The following PDE9A variants were observed in gnomAD, a reference collection of about 807,000 sequenced individuals.
PDE9A encodes phosphodiesterase 9A, also known as high affinity cGMP-specific 3',5'-cyclic phosphodiesterase 9A.
In PDE9A, 60 loss-of-function variants were observed where a neutral mutation model predicts 87.4. That is an observed-to-expected ratio of 0.69 (90% CI 0.56 to 0.85). The LOEUF is 0.85. PDE9A is among the 40% of genes least tolerant of loss of function. The probability of loss-of-function intolerance (pLI) is 0.00; values close to 1 mark genes in which losing one functional copy is unlikely to be tolerated. For synonymous variants in PDE9A, 272 were observed against 279.4 expected (o/e 0.97, Z 0.27); for missense variants, 665 against 779.0 (o/e 0.85, Z 1.74).
At chr21:42,713,506 T>TATTG (rs2049536099) in intron 4 of PDE9A, among the ~76,000 whole-genome samples, 1 of 152,226 alleles carries the variant, frequency 6.6e-6, no homozygotes, top group Non-Finnish European at 1.5e-5. Context: ...TTAAATGGGA[T>TATTG]ATTGATTTGT....
At chr21:42,666,632 G>A (rs192959390) in intron 1 of PDE9A, among the ~76,000 whole-genome samples, 2 of 152,290 alleles carry the variant, frequency 1.3e-5, no homozygotes, top group Non-Finnish European at 2.9e-5. Context: ...GCCTCTCCTG[G>A]GCTGGCACCT....
chr21:42,706,016 A>G (rs895287186), intron 4 of PDE9A, among the ~76,000 whole-genome samples: 1 of 152,230 alleles, frequency 6.6e-6, no homozygotes, highest in Admixed American at 6.5e-5. Flanking sequence ...GCATCCGCAG[A>G]GTGCGTGCTT....
chr21:42,769,738 A>ATACAAATG, intron 17 of PDE9A, among the ~76,000 whole-genome samples: 1 of 65,010 alleles, frequency 1.5e-5, no homozygotes, highest in Non-Finnish European at 2.8e-5. Context: ...GTACAGAGGC[A>ATACAAATG]CACACATGCA....
intron 1 of PDE9A, among the ~76,000 whole-genome samples, chr21:42,679,106 G>A (rs540082132): frequency 5.9e-5 from 9 of 152,296 alleles, no homozygotes; most frequent in African/African-American, 2.2e-4. Flanking sequence ...AGGGGATCGC[G>A]CTGCACCAGG....
Position 42,722,233 on chromosome 21 carries a change from C to T in PDE9A, c.263-9537C>T, listed in dbSNP as rs1323338684. ...CCTCATGATCCGCCCACCTCAGCCT[C>T]CAGAAGTGCTGAGATTACAGGCGTG... On this transcript the variant is annotated intron_variant, in intron 4 of 19. Transcript: ENST00000291539. The surrounding 1 kb of genome is among the most constrained non-coding windows in gnomAD (Gnocchi z 4.1). Among the ~76,000 whole-genome samples, 2 of 152,184 alleles carry T rather than the reference C, an allele frequency of 1.3e-5. No individual in the cohort carries two copies. Among genetic ancestry groups the T allele is most frequent in the African/African-American group, 4.8e-5 (2 of 41,446 alleles).
At chr21:42,769,568 ACACACAC>A (rs2056789749) in intron 17 of PDE9A, among the ~76,000 whole-genome samples, 1 of 146,586 alleles carries the variant, frequency 6.8e-6, no homozygotes, top group Admixed American at 6.8e-5. Context: ...GCACACACAC[ACACACAC>A]ATGCACACAG....
intron 4 of PDE9A, among the ~76,000 whole-genome samples, chr21:42,716,576 G>A (rs1024826266): frequency 5.3e-5 from 8 of 151,060 alleles, no homozygotes; most frequent in Non-Finnish European, 1.2e-4. Flanking sequence ...TAATCATCCT[G>A]AACTTTTCAC....
intron 4 of PDE9A, among the ~76,000 whole-genome samples, chr21:42,727,489 ATTTT>A (rs58515760): frequency 1.4e-4 from 12 of 88,326 alleles, no homozygotes; most frequent in Admixed American, 7.4e-4. Flanking sequence ...ACGCCTGGCT[ATTTT>A]TTTTTTTTTT....
intron 1 of PDE9A, among the ~76,000 whole-genome samples, chr21:42,667,224 G>C (rs1043424959): frequency 6.6e-6 from 1 of 152,160 alleles, no homozygotes; most frequent in South Asian, 2.1e-4. Flanking sequence ...TGGATGAGGG[G>C]GTCCAACTTC....
intron 3 of PDE9A, chr21:42,697,600 C>A: frequency 1.3e-6 from 1 of 784,494 alleles, no homozygotes. Flanking sequence ...AGTCTGGAGG[C>A]TGAAATCCAA....
chr21:42,761,899 T>TGCAGGGGCAGCTGAGCG (rs2055812073), intron 13 of PDE9A, among the ~76,000 whole-genome samples, 184 bp from the exon 14 acceptor site: 1 of 152,126 alleles, frequency 6.6e-6, no homozygotes, highest in Non-Finnish European at 1.5e-5. Flanking sequence ...GACGTGCAGT[T>TGCAGGGGCAGCTGAGCG]GCAGGGGCAG....
intron 5 of PDE9A, 31 bp downstream of exon 5, chr21:42,731,980 A>C (rs761986007): frequency 3.1e-6 from 5 of 1,611,494 alleles, no homozygotes. Context: ...CACAGCCTCC[A>C]CCCCCCAACA....
At chr21:42,699,874 A>C (rs968717084) in intron 4 of PDE9A, among the ~76,000 whole-genome samples, 10 of 152,164 alleles carry the variant, frequency 6.6e-5, no homozygotes, top group African/African-American at 2.2e-4. Flanking sequence ...TGCCTTTTCC[A>C]TTTGATTTTT....
intron 1 of PDE9A, among the ~76,000 whole-genome samples, chr21:42,681,945 G>A (rs1326045700): frequency 6.6e-6 from 1 of 152,364 alleles, no homozygotes. Flanking sequence ...GGGTCCTCCC[G>A]TGGTCTGAAG....
At position 42,732,378 on chromosome 21, in the gene PDE9A, C is replaced by T. The variant is rs373620260; in HGVS notation, c.497+254C>T. ...GCATTAGAATGTGAGCTCGTGAGGTCGAGAATGTTCTCCACCGGCTCTTCT... is the reference window on the plus strand; with the variant it reads ...GCATTAGAATGTGAGCTCGTGAGGTTGAGAATGTTCTCCACCGGCTCTTCT... On this transcript the variant is annotated intron_variant, in intron 6 of 19. Coordinates refer to ENST00000291539, the MANE Select transcript of PDE9A (RefSeq NM_002606.3). 1.2e-4 allele frequency among the ~76,000 whole-genome samples: 19 copies of T among 152,280 alleles called. No individual in the cohort carries two copies. In the South Asian group the frequency reaches 1.9e-3, roughly 15 times the overall value.
Position 42,726,624 on chromosome 21 carries a change from A to ATATTTTT in PDE9A, c.263-5145_263-5144insATTTTTT. ...TATATATATATATATATATATATATATTTTTTTTTTTTTTTTTGTAGAGAT... is the reference window on the plus strand; with the variant it reads ...TATATATATATATATATATATATATATATTTTTTTTTTTTTTTTTTTTTTGTAGAGAT... On this transcript the variant is annotated intron_variant, in intron 4 of 19. Transcript: ENST00000291539. 9.1e-4 allele frequency among the ~76,000 whole-genome samples: 18 copies of ATATTTTT among 19,780 alleles called. 2 individuals carry two copies. Among genetic ancestry groups the ATATTTTT allele is most frequent in the African/African-American group, 1.0e-3 (3 of 2,942 alleles). 13.0% of individuals were successfully genotyped at this position (19,780 alleles called of 152,430 possible).
chr21:42,669,657 G>A (rs1223249617), intron 1 of PDE9A, among the ~76,000 whole-genome samples: 2 of 152,178 alleles, frequency 1.3e-5, no homozygotes, highest in Non-Finnish European at 2.9e-5. Flanking sequence ...CCCAGCAATG[G>A]CACATGCTGG....
chr21:42,768,755 C>T, intron 16 of PDE9A: 1 of 985,390 alleles, frequency 1.0e-6, no homozygotes, highest in East Asian at 1.1e-4. Flanking sequence ...AGTCGGGAGG[C>T]TTTCTGCAGG....
At chr21:42,754,418 G>T (rs2054801841) in intron 10 of PDE9A, among the ~76,000 whole-genome samples, 1 of 152,176 alleles carries the variant, frequency 6.6e-6, no homozygotes, top group South Asian at 2.1e-4. Context: ...GAACACCCCT[G>T]CCAGGAGCAA....
Sources: gnomAD v4.1 joint callset for allele counts (sites outside exome capture counted in the v4.1 genomes callset) on GRCh38, gnomAD v4.1.1 for gene constraint, Gnocchi (gnomAD v3.1) non-coding constraint, MANE v1.5 for transcripts, NCBI Gene and HGNC (gene_info 2026-07-23, HGNC 2026-07-21) for gene names.